The following CCNY variants were observed in gnomAD, a reference collection of about 807,000 sequenced individuals.
CCNY encodes the protein cyclin-Y.
Under a neutral mutation model 42.8 loss-of-function variants are expected in CCNY, and 19 were observed. That is an observed-to-expected ratio of 0.44 (90% CI 0.31 to 0.65). The LOEUF (loss-of-function observed/expected upper bound fraction) is 0.65, where lower values mean the gene tolerates loss of function less well. Ranked by LOEUF, CCNY falls within the 30% of genes least tolerant of loss-of-function variation. CCNY has a pLI of 0.07. For synonymous variants in CCNY, 165 were observed against 162.7 expected (o/e 1.01, Z -0.11); for missense variants, 370 against 437.3 (o/e 0.85, Z 1.37).
chr10:35,313,385 G>C (rs1435405860), intron 3 of CCNY, among the ~76,000 whole-genome samples: 3 of 152,232 alleles, frequency 2.0e-5, no homozygotes, highest in African/African-American at 7.2e-5. Flanking sequence ...GTAGAGCTGT[G>C]TCGCTTGTTA....
intron 1 of CCNY, among the ~76,000 whole-genome samples, chr10:35,449,573 T>C (rs373490829): frequency 2.0e-5 from 3 of 151,646 alleles, no homozygotes; most frequent in East Asian, 1.9e-4. Context: ...GTAGTTCGGT[T>C]TTTGGAATGA....
At chr10:35,306,165 G>A (rs1473760722) in intron 3 of CCNY, among the ~76,000 whole-genome samples, 3 of 152,106 alleles carry the variant, frequency 2.0e-5, no homozygotes, top group Non-Finnish European at 4.4e-5. Context: ...CTCCTGAGTA[G>A]CTGGGATTAC....
intron 3 of CCNY, among the ~76,000 whole-genome samples, chr10:35,297,415 G>T (rs907369654): frequency 6.6e-6 from 1 of 152,232 alleles, no homozygotes; most frequent in East Asian, 1.9e-4. Context: ...CTGGGTAAAA[G>T]CTGGAAGCAT....
chr10:35,445,389 A>C (rs1564413916), intron 1 of CCNY, among the ~76,000 whole-genome samples: 1 of 152,190 alleles, frequency 6.6e-6, no homozygotes, highest in Non-Finnish European at 1.5e-5. Flanking sequence ...GTGCACTGGA[A>C]GGCTGACAGG....
intron 1 of CCNY, among the ~76,000 whole-genome samples, chr10:35,469,089 T>G (rs1052899932): frequency 1.3e-5 from 2 of 152,240 alleles, no homozygotes; most frequent in Non-Finnish European, 2.9e-5. Flanking sequence ...AATTCTTTAT[T>G]ATGCCAGATC....
intron 1 of CCNY, among the ~76,000 whole-genome samples, chr10:35,387,797 A>G (rs144893458): frequency 1.3e-5 from 2 of 152,348 alleles, no homozygotes; most frequent in African/African-American, 4.8e-5. Context: ...ACTCACTGCC[A>G]AGATCCACGT....
chr10:35,313,907 C>T (rs1359277920), intron 3 of CCNY, among the ~76,000 whole-genome samples: 4 of 131,948 alleles, frequency 3.0e-5, no homozygotes, highest in South Asian at 2.5e-4. Flanking sequence ...GCCTGGGAGG[C>T]GGAGGTTGCA....
At chr10:35,456,771 T>C (rs1468918712) in intron 1 of CCNY, among the ~76,000 whole-genome samples, 1 of 152,300 alleles carries the variant, frequency 6.6e-6, no homozygotes, top group East Asian at 1.9e-4. Context: ...AGATTTTTTT[T>C]CCCTTAAAAT....
At chr10:35,385,625 A>G (rs1224280979) in intron 1 of CCNY, among the ~76,000 whole-genome samples, 1 of 152,206 alleles carries the variant, frequency 6.6e-6, no homozygotes, top group East Asian at 1.9e-4. Context: ...GTTGCCCCAT[A>G]TTCTTACCAA....
chr10:35,376,453 A>G (rs1210754459), intron 1 of CCNY, among the ~76,000 whole-genome samples: 1 of 152,250 alleles, frequency 6.6e-6, no homozygotes, highest in East Asian at 1.9e-4. Flanking sequence ...TGGTATATCC[A>G]TACAATGGGA....
intron 3 of CCNY, among the ~76,000 whole-genome samples, chr10:35,290,566 T>C (rs533110686): frequency 1.3e-5 from 2 of 152,374 alleles, no homozygotes; most frequent in African/African-American, 4.8e-5. Flanking sequence ...ACAATTGAGA[T>C]AAAATTCACA....
intron 1 of CCNY, among the ~76,000 whole-genome samples, chr10:35,389,130 G>A (rs1589082803): frequency 6.6e-6 from 1 of 152,156 alleles, no homozygotes; most frequent in South Asian, 2.1e-4. Context: ...CTTTGGGGAC[G>A]TTATTCTGCC....
In CCNY at chr10:35,485,169, A is replaced by G. The variant is rs958614380; in HGVS notation, c.229+1691A>G. Among the ~76,000 whole-genome samples, 6 of 152,180 alleles carry G rather than the reference A, an allele frequency of 3.9e-5. No homozygotes were observed. In the South Asian group the frequency reaches 6.2e-4, roughly 16 times the overall value. ...CTCTTCAGGTGAAAGCTTCTATGCCATTTCTACCTCTCTCCCTGTCCACTC... is the reference window on the plus strand; with the variant it reads ...CTCTTCAGGTGAAAGCTTCTATGCCGTTTCTACCTCTCTCCCTGTCCACTC... On this transcript the variant is annotated intron_variant, in intron 2 of 9. Coordinates refer to ENST00000374704, the MANE Select transcript of CCNY (RefSeq NM_145012.6).
chr10:35,509,103 T>G (rs1195090617), intron 3 of CCNY, among the ~76,000 whole-genome samples: 1 of 152,192 alleles, frequency 6.6e-6, no homozygotes, highest in Non-Finnish European at 1.5e-5. Flanking sequence ...AGAGCAGAAT[T>G]CTACCATAAA....
intron 1 of CCNY, among the ~76,000 whole-genome samples, chr10:35,409,930 A>G (rs1837867225): frequency 6.6e-6 from 1 of 152,112 alleles, no homozygotes; most frequent in Admixed American, 6.5e-5. Context: ...TTTTGTAGAG[A>G]CAGGGTCTTG....
intron 7 of CCNY, among the ~76,000 whole-genome samples, chr10:35,549,673 T>C (rs35824447): frequency 2.2e-3 from 164 of 76,078 alleles, no homozygotes; most frequent in Middle Eastern, 7.9e-3. Context: ...CCCTACACTG[T>C]TCGTGACCCT....
intron 4 of CCNY, 108 bp from the exon 5 acceptor site, chr10:35,525,855 GT>G: frequency 1.1e-6 from 1 of 940,736 alleles, no homozygotes. Flanking sequence ...CAGAAAGATT[GT>G]TAGACTTTTA....
At chr10:35,371,015 A>G (rs1836924625) in intron 1 of CCNY, among the ~76,000 whole-genome samples, 1 of 152,216 alleles carries the variant, frequency 6.6e-6, no homozygotes. Context: ...GCACCTGGCC[A>G]GGTTAAAACT....
At chr10:35,460,077 T>C (rs950208079) in intron 1 of CCNY, among the ~76,000 whole-genome samples, 6 of 152,196 alleles carry the variant, frequency 3.9e-5, no homozygotes, top group African/African-American at 1.4e-4. Flanking sequence ...TAACAGCATC[T>C]CTTCCTTGGT....
Sources: gnomAD v4.1 joint callset for allele counts (sites outside exome capture counted in the v4.1 genomes callset) on GRCh38, gnomAD v4.1.1 for gene constraint, MANE v1.5 for transcripts, NCBI Gene and HGNC (gene_info 2026-07-23, HGNC 2026-07-21) for gene names.